The following INSC variants were observed in gnomAD, a reference collection of about 807,000 sequenced individuals.
INSC encodes the protein INSC spindle orientation adaptor protein.
In INSC, 67 loss-of-function variants were observed where a neutral mutation model predicts 58.6. That is an observed-to-expected ratio of 1.14 (90% CI 0.94 to 1.40). INSC has a LOEUF of 1.40. INSC is among the 40% of genes most tolerant of loss of function. The pLI, the probability that INSC is intolerant of heterozygous loss-of-function variation, is 0.00. For missense variants in INSC, 714 were observed against 692.0 expected, an observed-to-expected ratio of 1.03 and a Z score of -0.36; for synonymous variants, 262 against 276.1, an observed-to-expected ratio of 0.95 and a Z score of 0.51.
the INSC span, among the ~76,000 whole-genome samples, chr11:15,259,322 G>T: frequency 6.6e-6 from 1 of 152,014 alleles, no homozygotes; most frequent in Non-Finnish European, 1.5e-5. Flanking sequence ...TGTTTGACAG[G>T]AAAAATTTTT....
intron 2 of INSC, among the ~76,000 whole-genome samples, chr11:15,155,538 T>G (rs1404478612): frequency 6.6e-6 from 1 of 152,192 alleles, no homozygotes; most frequent in Non-Finnish European, 1.5e-5. Context: ...CCTGCCCTCA[T>G]GCGGACCATA....
intron 1 of INSC, among the ~76,000 whole-genome samples, chr11:15,120,400 A>T (rs4757286): frequency 0.49 from 74,860 of 152,000 alleles, 19,366 homozygotes; most frequent in Non-Finnish European, 0.58. Context: ...AGAGGCACTA[A>T]TGTAGCAGCA....
At chr11:15,174,531 T>C (rs1034901391) in intron 2 of INSC, among the ~76,000 whole-genome samples, 1 of 152,232 alleles carries the variant, frequency 6.6e-6, no homozygotes, top group Non-Finnish European at 1.5e-5. Flanking sequence ...ATGTTGTAGG[T>C]ACTGATATTT....
At chr11:15,248,110 G>T (rs557104810), downstream of INSC, among the ~76,000 whole-genome samples, 21 of 152,128 alleles carry the variant, frequency 1.4e-4, no homozygotes, top group Non-Finnish European at 2.9e-4. Context: ...AAACTGACAC[G>T]CATTCTGCTT....
At chr11:15,190,046 G>A (rs1232354687) in intron 5 of INSC, among the ~76,000 whole-genome samples, 9 of 152,158 alleles carry the variant, frequency 5.9e-5, no homozygotes, top group Non-Finnish European at 1.3e-4. Flanking sequence ...ACTAGCCTCA[G>A]GTTCATTCTT....
upstream of INSC, chr11:15,112,501 C>T (rs866166038): frequency 5.6e-6 from 9 of 1,611,934 alleles, no homozygotes; most frequent in South Asian, 9.9e-5. Flanking sequence ...GGAGAGGCGG[C>T]CAGCGAAGGT....
In INSC at chr11:15,175,900, C is replaced by A. The variant is rs750085808; in HGVS notation, c.216C>A (p.Asp72Glu). ...TGGCAGGTGGCCCTGGCCCTGGAGA[C>A]CCCCTGCAGCTGCTGCTCAAACGGG... ...LILAGGPGPGDPLQLLLKRGW... is the reference protein window; with the variant it reads ...LILAGGPGPGEPLQLLLKRGW... Residue 72 changes from aspartate (D) to glutamate (E), a missense_variant, in exon 3 of 13, where the codon GAC (aspartate) becomes GAA (glutamate). Transcript: ENST00000379556. The A allele has an allele frequency of 5.0e-6, 8 of 1,614,148 alleles. No homozygotes were observed. Among genetic ancestry groups the A allele is most frequent in the African/African-American group, 2.7e-5 (2 of 75,064 alleles).
intron 2 of INSC, among the ~76,000 whole-genome samples, chr11:15,173,159 G>A (rs72864748): frequency 1.4e-4 from 22 of 152,290 alleles, no homozygotes; most frequent in South Asian, 4.1e-4. Context: ...TGGAATATAC[G>A]CAATATGGAA....
chr11:15,116,805 T>TTTCCTTTCTTTCTTTC (rs1554900053), intron 1 of INSC, among the ~76,000 whole-genome samples: 2 of 19,942 alleles, frequency 1.0e-4, no homozygotes, highest in Admixed American at 7.2e-4. Context: ...CTTTTCTTTC[T>TTTCCTTTCTTTCTTTC]TTTCTTTCTT....
intron 1 of INSC, among the ~76,000 whole-genome samples, chr11:15,147,443 GCTAA>G (rs954225088): frequency 6.6e-6 from 1 of 152,150 alleles, no homozygotes; most frequent in African/African-American, 2.4e-5. Flanking sequence ...AATAATAACA[GCTAA>G]CTATTTATTT....
At chr11:15,188,472 T>A in intron 5 of INSC, 1 of 455,030 alleles carries the variant, frequency 2.2e-6, no homozygotes, top group Non-Finnish European at 2.9e-6. Flanking sequence ...TTTCCTCCAC[T>A]ATGAAATGAA....
intron 1 of INSC, among the ~76,000 whole-genome samples, chr11:15,142,615 G>A (rs1848396910): frequency 6.6e-6 from 1 of 152,100 alleles, no homozygotes; most frequent in African/African-American, 2.4e-5. Context: ...TGCAGTTTTT[G>A]CACAGCAGTG....
rs1230070307 is a variant in INSC at position 15,175,926 on chromosome 11, G to T, written c.242G>T (p.Gly81Val). The change falls in exon 3 of 13, where the codon GGT (glycine) becomes GTT (valine). Residue 81 changes from glycine to valine, a missense_variant. Gly to Val is a moderately radical substitution (Grantham distance 109, BLOSUM62 -3). Transcript: ENST00000379556. ...CCCCTGCAGCTGCTGCTCAAACGGG[G>T]TTGGGTCATTAGCACAGAGCTGCGC... The part of the protein sequence containing the change: ...GDPLQLLLKR[G>V]WVISTELRRI... 6.2e-7 allele frequency: 1 copy of T among 1,614,196 alleles called. No homozygotes were observed. Among genetic ancestry groups the T allele is most frequent in the East Asian group, 2.2e-5 (1 of 44,886 alleles).
At chr11:15,184,711 A>G (rs1849904453) in intron 5 of INSC, among the ~76,000 whole-genome samples, 1 of 152,220 alleles carries the variant, frequency 6.6e-6, no homozygotes, top group Non-Finnish European at 1.5e-5. Context: ...TCTTAAATAG[A>G]AATGAAGTCA....
At chr11:15,259,134 G>C in the INSC span, among the ~76,000 whole-genome samples, 1 of 152,128 alleles carries the variant, frequency 6.6e-6, no homozygotes, top group Non-Finnish European at 1.5e-5. Flanking sequence ...ATCTGTGGGG[G>C]AGTCTGTAAA....
At chr11:15,207,242 C>T (rs1850839020) in intron 7 of INSC, among the ~76,000 whole-genome samples, 3 of 152,176 alleles carry the variant, frequency 2.0e-5, no homozygotes, top group Non-Finnish European at 1.5e-5. Flanking sequence ...ATTGTCTTTT[C>T]CAGAACTGAA....
rs1224806230 is a variant in INSC at position 15,241,657 on chromosome 11, C to T, written c.1470+1134C>T. On this transcript the variant is annotated intron_variant, in intron 12 of 12. Transcript: ENST00000379556. ...TTGGCACATTCAAGGTAATCTTAATCTTTTTGTATCTTTGGTACTCTGGTG... is the reference window on the plus strand; with the variant it reads ...TTGGCACATTCAAGGTAATCTTAATTTTTTTGTATCTTTGGTACTCTGGTG... The T allele has an allele frequency of 4.3e-6, 3 of 702,182 alleles. No homozygotes were observed. In the East Asian group the frequency reaches 8.1e-5, roughly 19 times the overall value. The allele number at this position is 702,182 out of a possible 1,614,324, so 43.5% of individuals were successfully genotyped here. A position where few individuals can be genotyped will look rare whatever the true frequency, so the allele number is the denominator to read the frequency against.
chr11:15,228,080 A>G (rs1394937457), intron 9 of INSC, among the ~76,000 whole-genome samples: 1 of 152,242 alleles, frequency 6.6e-6, no homozygotes, highest in East Asian at 1.9e-4. Context: ...TAATTAATAA[A>G]TAAATATAAA....
At chr11:15,187,897 G>C (rs1850031180) in intron 5 of INSC, among the ~76,000 whole-genome samples, 1 of 152,116 alleles carries the variant, frequency 6.6e-6, no homozygotes, top group African/African-American at 2.4e-5. Context: ...ATTTTGTAGA[G>C]ACTGTGTCAG....
Sources: gnomAD v4.1 joint callset for allele counts (sites outside exome capture counted in the v4.1 genomes callset) on GRCh38, gnomAD v4.1.1 for gene constraint, MANE v1.5 for transcripts, NCBI Gene and HGNC (gene_info 2026-07-23, HGNC 2026-07-21) for gene names.